FHIT: variants seen among roughly 807,000 people sequenced by gnomAD.
The protein encoded by FHIT is bis(5'-adenosyl)-triphosphatase.
A neutral mutation model predicts 17.9 loss-of-function variants in FHIT; 19 were observed. The ratio of observed to expected loss-of-function variants is 1.06; its 90% CI spans 0.74 to 1.56. FHIT has a LOEUF of 1.56. Ranked by LOEUF, FHIT falls within the 40% of genes most tolerant of loss-of-function variation. The pLI, the probability that FHIT is intolerant of heterozygous loss-of-function variation, is 0.00. For missense variants in FHIT, 248 were observed against 189.2 expected, an observed-to-expected ratio of 1.31 and a Z score of -1.82; for synonymous variants, 81 against 69.7, an observed-to-expected ratio of 1.16 and a Z score of -0.81.
chr3:61,076,549 T>C (rs1467450770), intron 2 of FHIT, among the ~76,000 whole-genome samples: 1 of 152,206 alleles, frequency 6.6e-6, no homozygotes, highest in African/African-American at 2.4e-5. Flanking sequence ...TACAAAACTT[T>C]CACCCTATTT....
intron 4 of FHIT, among the ~76,000 whole-genome samples, chr3:60,773,068 G>A (rs1384712534): frequency 6.6e-6 from 1 of 152,104 alleles, no homozygotes; most frequent in Non-Finnish European, 1.5e-5. Flanking sequence ...CTAGCCTTCT[G>A]TCAACTAAAC....
intron 3 of FHIT, among the ~76,000 whole-genome samples, chr3:60,891,761 T>C (rs1705526365): frequency 1.3e-5 from 2 of 150,068 alleles, no homozygotes; most frequent in South Asian, 4.1e-4. Flanking sequence ...ACAGTGCAAT[T>C]TATTACAATT....
intron 3 of FHIT, among the ~76,000 whole-genome samples, chr3:60,832,235 G>GAA (rs149247389): frequency 6.7e-6 from 1 of 149,686 alleles, no homozygotes; most frequent in African/African-American, 2.5e-5. Context: ...TAGATAAAAA[G>GAA]AAAAAAAAAG....
At chr3:60,555,793 A>C (rs1250773045) in intron 4 of FHIT, among the ~76,000 whole-genome samples, 2 of 152,218 alleles carry the variant, frequency 1.3e-5, no homozygotes, top group Non-Finnish European at 2.9e-5. Flanking sequence ...ACAAGCTAGC[A>C]GACTGAGACC....
intron 5 of FHIT, among the ~76,000 whole-genome samples, chr3:60,263,717 A>G (rs1236099972): frequency 3.9e-5 from 6 of 151,944 alleles, no homozygotes; most frequent in African/African-American, 1.4e-4. Flanking sequence ...TATTGATTTG[A>G]TGACAGTATT....
chr3:60,320,215 A>G (rs939039761), intron 5 of FHIT, among the ~76,000 whole-genome samples: 1 of 152,200 alleles, frequency 6.6e-6, no homozygotes, highest in Admixed American at 6.5e-5. Context: ...CTTCCTCTTC[A>G]TTTCAAATTT....
chr3:59,754,829 A>T (rs184742654), intron 8 of FHIT, among the ~76,000 whole-genome samples: 9 of 152,334 alleles, frequency 5.9e-5, no homozygotes, highest in Admixed American at 1.3e-4. Context: ...CCTAGCTTTT[A>T]AAAGTTATGA....
intron 5 of FHIT, among the ~76,000 whole-genome samples, chr3:60,096,919 G>A (rs2107121603): frequency 6.6e-6 from 1 of 151,204 alleles, no homozygotes; most frequent in African/African-American, 2.4e-5. Context: ...AGTGGCTTGT[G>A]CCTATAATCC....
chr3:60,599,521 G>C (rs1559570304), intron 4 of FHIT, among the ~76,000 whole-genome samples: 2 of 152,094 alleles, frequency 1.3e-5, no homozygotes, highest in African/African-American at 2.4e-5. Flanking sequence ...TTAAGTCGGA[G>C]TCAAATATCA....
intron 8 of FHIT, among the ~76,000 whole-genome samples, chr3:59,753,015 A>G (rs968249481): frequency 2.0e-5 from 3 of 152,058 alleles, no homozygotes; most frequent in African/African-American, 7.2e-5. Flanking sequence ...TAATTTTCTT[A>G]TGTTTAACAG....
chr3:60,159,923 G>A lies in FHIT; in HGVS notation c.104-145771C>T, dbSNP rs79752248. On this transcript the variant is annotated intron_variant, in intron 5 of 9. Coordinates refer to ENST00000492590, the MANE Select transcript of FHIT (RefSeq NM_002012.4). ...TCAATGCGTGCACAAATGAGCAAAC[G>A]AGAGTCATAATTTGCATGATACTAC... 3.9e-5 allele frequency among the ~76,000 whole-genome samples: 6 copies of A among 152,254 alleles called. No homozygotes were observed. The East Asian group carries it at 5.8e-4, about 15-fold the overall frequency.
intron 5 of FHIT, among the ~76,000 whole-genome samples, chr3:60,069,799 C>G (rs897043520): frequency 1.4e-4 from 22 of 152,188 alleles, no homozygotes; most frequent in African/African-American, 5.1e-4. Context: ...GTCATACTTT[C>G]CATCCTTAGA....
chr3:60,135,041 A>G (rs1352785392), intron 5 of FHIT, among the ~76,000 whole-genome samples: 1 of 152,142 alleles, frequency 6.6e-6, no homozygotes, highest in Non-Finnish European at 1.5e-5. Context: ...GGGAGTGAAT[A>G]TCTAGCTGAG....
chr3:61,039,501 C>T (rs917917138), intron 3 of FHIT, among the ~76,000 whole-genome samples: 1 of 152,102 alleles, frequency 6.6e-6, no homozygotes, highest in African/African-American at 2.4e-5. Context: ...GGCACATATA[C>T]ACCATAGAAT....
chr3:60,921,441 G>A (rs1270938948), intron 3 of FHIT, among the ~76,000 whole-genome samples: 1 of 152,156 alleles, frequency 6.6e-6, no homozygotes, highest in African/African-American at 2.4e-5. Context: ...CACTTAAGGA[G>A]GGTTCGAATG....
intron 3 of FHIT, among the ~76,000 whole-genome samples, chr3:60,869,285 C>T (rs1364009748): frequency 6.6e-6 from 1 of 152,094 alleles, no homozygotes. Flanking sequence ...TTCTAAGTAA[C>T]AGAAACCAAA....
chr3:60,752,380 G>C (rs1317195936), intron 4 of FHIT, among the ~76,000 whole-genome samples: 1 of 152,156 alleles, frequency 6.6e-6, no homozygotes, highest in Admixed American at 6.5e-5. Context: ...AATCAATTGT[G>C]CATTCGATTT....
chr3:60,055,961 G>C (rs3843360), intron 5 of FHIT, among the ~76,000 whole-genome samples: 1 of 151,948 alleles, frequency 6.6e-6, no homozygotes, highest in Non-Finnish European at 1.5e-5. Flanking sequence ...GTCCAGACAC[G>C]TGAAATACCA....
At chr3:60,763,389 A>T (rs375403722) in intron 4 of FHIT, among the ~76,000 whole-genome samples, 25 of 152,266 alleles carry the variant, frequency 1.6e-4, no homozygotes, top group African/African-American at 5.8e-4. Flanking sequence ...ACACTCAACC[A>T]CCTCCATCAT....
Sources: gnomAD v4.1 joint callset for allele counts (sites outside exome capture counted in the v4.1 genomes callset) on GRCh38, gnomAD v4.1.1 for gene constraint, MANE v1.5 for transcripts, NCBI Gene and HGNC (gene_info 2026-07-23, HGNC 2026-07-21) for gene names.